The following GIPC1 variants were observed in gnomAD, a reference collection of about 807,000 sequenced individuals.
GIPC1 encodes the protein GIPC PDZ domain containing family member 1.
Under a neutral mutation model 28.5 loss-of-function variants are expected in GIPC1, and 15 were observed. That is an observed-to-expected ratio of 0.53 (90% CI 0.35 to 0.81). GIPC1 has a LOEUF of 0.81. GIPC1 is among the 30% of genes least tolerant of loss of function. The pLI is 0.01. For missense variants in GIPC1, 439 were observed against 481.9 expected (o/e 0.91, Z 0.83); for synonymous variants, 224 against 206.1 (o/e 1.09, Z -0.74).
Position 14,480,404 on chromosome 19 carries a change from G to T in GIPC1, c.556C>A (p.Leu186Met), listed in dbSNP as rs764208411. The T allele has an allele frequency of 6.2e-7, 1 of 1,613,478 alleles. No individual in the cohort carries two copies. Among genetic ancestry groups the T allele is most frequent in the Admixed American group, 1.7e-5 (1 of 60,018 alleles). ...ACCTCGTAGTGCCGGCAGCCCAGCA[G>T]GCTCTGCCCGTTAATGGCCTCGATC... ...DMIEAINGQS[L>M]LGCRHYEVAR... is the part of the protein sequence containing the mutation. The change falls in exon 6 of 9, where the codon CTG (leucine) becomes ATG (methionine). Residue 186 changes from leucine (L) to methionine (M), a missense_variant. Transcript: ENST00000393033.
At chr19:14,489,988 G>T (rs1053097690) in intron 3 of GIPC1, among the ~76,000 whole-genome samples, 1 of 152,102 alleles carries the variant, frequency 6.6e-6, no homozygotes, top group Non-Finnish European at 1.5e-5. Flanking sequence ...CTGTGTTATG[G>T]GGCCAGATCT....
chr19:14,494,215 C>T (rs975958090), intron 1 of GIPC1, among the ~76,000 whole-genome samples: 10 of 152,174 alleles, frequency 6.6e-5, no homozygotes, highest in African/African-American at 1.4e-4. Context: ...GTCTCAGCCT[C>T]CCAAAGTGCT....
chr19:14,483,860 G>C lies in GIPC1; in HGVS notation c.-30-854C>G, dbSNP rs573983739. ...GTGTTTCATTTGTTGTTGTGACAGG[G>C]TCTTGCTCTGTCACTTAGACTGGAG... is the stretch of plus-strand genomic sequence containing the variant. On this transcript the variant is annotated intron_variant, in intron 3 of 8. Coordinates refer to ENST00000393033, the MANE Select transcript of GIPC1 (RefSeq NM_005716.4). Among the ~76,000 whole-genome samples, 9 of 151,836 alleles carry C rather than the reference G, an allele frequency of 5.9e-5. No homozygotes were observed. In the East Asian group the frequency reaches 1.7e-3, roughly 29 times the overall value.
At chr19:14,495,415 C>T (rs35076591) in intron 1 of GIPC1, among the ~76,000 whole-genome samples, 5,712 of 152,140 alleles carry the variant, frequency 0.038, 153 homozygotes, top group Non-Finnish European at 0.048. Flanking sequence ...GTTCTGGACC[C>T]TGGGGCATGA....
chr19:14,490,952 G>T (rs1254404827), intron 3 of GIPC1, among the ~76,000 whole-genome samples: 39 of 140,500 alleles, frequency 2.8e-4, no homozygotes, highest in Non-Finnish European at 5.0e-4. Context: ...TCTAGCCTGG[G>T]TGACAGAGCG....
rs1412488877 is a variant in GIPC1, at chr19:14,481,593, C to T, written c.289-815G>A. Among the ~76,000 whole-genome samples the T allele has an allele frequency of 2.6e-5, 4 of 151,784 alleles. No individual in the cohort carries two copies. In the South Asian group the frequency reaches 6.3e-4, roughly 24 times the overall value. On this transcript the variant is annotated intron_variant, in intron 4 of 8. Transcript: ENST00000393033. The stretch of plus-strand genomic sequence containing the variant: ...AAAATTAGCTGGGTCTGGTGGCGGG[C>T]GCCTGTAATCCCAGCTACTCGGGAG...
In GIPC1 at chr19:14,480,435, G is replaced by A. The variant is rs778534984; in HGVS notation, c.525C>T (p.Gly175=). The A allele has an allele frequency of 8.7e-6, 14 of 1,613,694 alleles. No homozygotes were observed. Among genetic ancestry groups the A allele is most frequent in the Admixed American group, 8.3e-5 (5 of 59,994 alleles). The change falls in exon 6 of 9, where the codon GGC becomes GGT. Residue 175 remains glycine, a synonymous_variant. Coordinates refer to ENST00000393033, the MANE Select transcript of GIPC1 (RefSeq NM_005716.4). ...VIDHIHLISV[G]DMIEAINGQS... ...GCCCGTTAATGGCCTCGATCATGTC[G>A]CCCACGCTGATGAGGTGGATGTGGT... is the stretch of plus-strand genomic sequence containing the variant.
chr19:14,481,314 G>A (rs990881646), intron 4 of GIPC1, among the ~76,000 whole-genome samples: 2 of 151,944 alleles, frequency 1.3e-5, no homozygotes, highest in Non-Finnish European at 2.9e-5. Flanking sequence ...TCATTATGTT[G>A]CCCAGGCTGG....
Position 14,478,362 on chromosome 19 carries a change from G to A in GIPC1, c.*54C>T. 4 of 1,526,744 alleles carry A rather than the reference G, an allele frequency of 2.6e-6. No individual in the cohort carries two copies. The Admixed American group carries it at 7.9e-5, about 30-fold the overall frequency. 94.6% of individuals were successfully genotyped at this position (1,526,744 alleles called of 1,614,324 possible). On this transcript the variant is annotated 3_prime_UTR_variant, in exon 9 of 9. Coordinates refer to ENST00000393033, the MANE Select transcript of GIPC1 (RefSeq NM_005716.4). The surrounding 1 kb of genome is among the most constrained non-coding windows in gnomAD (Gnocchi z 5.2). Reference sequence around the variant, plus strand: ...GGGTCCTGACGTCAGTGTCCCTGCTGGGGGCCCCCACCAGGTTGCGCCCGG... The same window carrying A: ...GGGTCCTGACGTCAGTGTCCCTGCTAGGGGCCCCCACCAGGTTGCGCCCGG...
Position 14,478,257 on chromosome 19 carries a change from T to C in GIPC1, c.*159A>G. 1.4e-6 allele frequency: 1 copy of C among 710,594 alleles called. No homozygotes were observed. The highest frequency in any genetic ancestry group is 2.3e-6 in the Non-Finnish European group (1 of 440,342). The allele number at this position is 710,594 out of a possible 1,614,324, so 44.0% of individuals were successfully genotyped here. A position where few individuals can be genotyped will look rare whatever the true frequency, so the allele number is the denominator to read the frequency against. On this transcript the variant is annotated 3_prime_UTR_variant, in exon 9 of 9. Transcript: ENST00000393033. This position sits in a 1 kb window ranked among gnomAD's most constrained non-coding sequence, Gnocchi z 5.2. ...GAACCAGGGAGGGGATGGTACCGATTGGAGCGGGGCAGGGGGCCTGGCCCC... is the reference window on the plus strand; with the variant it reads ...GAACCAGGGAGGGGATGGTACCGATCGGAGCGGGGCAGGGGGCCTGGCCCC...
In GIPC1 at chr19:14,480,723, C is replaced by T. The variant is rs1568361483; in HGVS notation, c.344G>A (p.Gly115Asp). Residue 115 changes from glycine (G) to aspartate (D), a missense_variant, in exon 5 of 9, where the codon GGC (glycine) becomes GAC (aspartate). By Grantham distance (94) the Gly-to-Asp change is moderately conservative. Transcript: ENST00000393033. ...HKVDMDKLLG[G>D]QIGLEDFIFA... ...GATGAAGTCCTCCAGCCCGATCTGG[C>T]CCCCCAGGAGCTTGTCCATGTCCAC... is the stretch of plus-strand genomic sequence containing the variant. 2.5e-6 allele frequency: 4 copies of T among 1,613,480 alleles called. No homozygotes were observed. Among genetic ancestry groups the T allele is most frequent in the Non-Finnish European group, 3.4e-6 (4 of 1,179,380 alleles).
rs143339574 is a variant in GIPC1 at position 14,491,304 on chromosome 19, G to A, written c.-31+352C>T. Among the ~76,000 whole-genome samples, 750 of 151,898 alleles carry A rather than the reference G, an allele frequency of 4.9e-3. 7 individuals carry two copies. The highest frequency in any genetic ancestry group is 0.016 in the African/African-American group (678 of 41,442). ...GATGAACTCTCACTCTGTCACCCAG[G>A]CTGGAGTGCAATGGCGCGATCTCGG... On this transcript the variant is annotated intron_variant, in intron 3 of 8. Coordinates refer to ENST00000393033, the MANE Select transcript of GIPC1 (RefSeq NM_005716.4).
intron 1 of GIPC1, among the ~76,000 whole-genome samples, chr19:14,493,356 C>A (rs1478784017): frequency 6.6e-6 from 1 of 152,220 alleles, no homozygotes; most frequent in Non-Finnish European, 1.5e-5. Context: ...CTTACTGTGA[C>A]CCACAAACCC....
chr19:14,480,520 C>G, intron 5 of GIPC1, 35 bp from the exon 6 acceptor site: 1 of 1,605,280 alleles, frequency 6.2e-7, no homozygotes, highest in Non-Finnish European at 8.5e-7. Context: ...CCTTGGGGCT[C>G]TGCCCTGGTT....
chr19:14,490,209 C>CA (rs749059230), intron 3 of GIPC1, among the ~76,000 whole-genome samples: 1 of 151,612 alleles, frequency 6.6e-6, no homozygotes, highest in Non-Finnish European at 1.5e-5. Context: ...ACTAAAATTA[C>CA]AAAAAATTAG....
chr19:14,482,624 A>C (rs2071753634), intron 4 of GIPC1, 65 bp downstream of exon 4: 2 of 1,483,278 alleles, frequency 1.3e-6, no homozygotes, highest in Non-Finnish European at 1.9e-6. Context: ...GCTCATGAAC[A>C]GGATGCAGGC....
chr19:14,492,714 T>G (rs2146494916), intron 2 of GIPC1, 143 bp downstream of exon 2: 1 of 152,346 alleles, frequency 6.6e-6, no homozygotes, highest in South Asian at 2.1e-4. Context: ...CCCACCCCAC[T>G]GCCCTGGTTC....
In GIPC1 at chr19:14,478,668, G is replaced by A; in HGVS notation, c.850+16C>T. On this transcript the variant is annotated intron_variant, in intron 8 of 8. Coordinates refer to ENST00000393033, the MANE Select transcript of GIPC1 (RefSeq NM_005716.4). This position sits in a 1 kb window ranked among gnomAD's most constrained non-coding sequence, Gnocchi z 5.2. Reference sequence around the variant, plus strand: ...GCAGACCTAGATGCCCCCTCCCCCAGGCAGCCCTCACTCACCCAGCTCCGT... The same window carrying A: ...GCAGACCTAGATGCCCCCTCCCCCAAGCAGCCCTCACTCACCCAGCTCCGT... The A allele has an allele frequency of 6.2e-7, 1 of 1,613,140 alleles. No homozygotes were observed. Among genetic ancestry groups the A allele is most frequent in the Non-Finnish European group, 8.5e-7 (1 of 1,179,258 alleles).
At chr19:14,479,795 TG>T in intron 6 of GIPC1, 1 of 405,152 alleles carries the variant, frequency 2.5e-6, no homozygotes. Flanking sequence ...TCCCAGGGGC[TG>T]GGGGACAGGA....
Sources: gnomAD v4.1 joint callset for allele counts (sites outside exome capture counted in the v4.1 genomes callset) on GRCh38, gnomAD v4.1.1 for gene constraint, Gnocchi (gnomAD v3.1) non-coding constraint, MANE v1.5 for transcripts, NCBI Gene and HGNC (gene_info 2026-07-23, HGNC 2026-07-21) for gene names.